Variants in NSDHL observed in about 807,000 individuals in gnomAD.
NSDHL encodes the protein NAD(P) dependent 3-beta-hydroxysteroid dehydrogenase NSDHL, also known as sterol-4-alpha-carboxylate 3-dehydrogenase, decarboxylating.
A neutral mutation model predicts 23.0 loss-of-function variants in NSDHL; 1 was observed. The ratio of observed to expected loss-of-function variants is 0.04; its 90% CI spans 0.02 to 0.21. The LOEUF (loss-of-function observed/expected upper bound fraction) is 0.21. Among genes scored for constraint, NSDHL ranks in the 10% least tolerant of loss-of-function variants. The probability of loss-of-function intolerance (pLI) is 1.00; values close to 1 mark genes in which losing one functional copy is unlikely to be tolerated. For missense variants in NSDHL, 237 were observed against 300.9 expected (o/e 0.79, Z 1.57); for synonymous variants, 128 against 121.1 (o/e 1.06, Z -0.37).
Position 152,862,619 on chromosome X carries a change from C to T in NSDHL, c.438C>T (p.Ala146=). The change falls in exon 5 of 8, where the codon GCC becomes GCT. Residue 146 remains alanine, a synonymous_variant. Coordinates refer to ENST00000370274, the MANE Select transcript of NSDHL (RefSeq NM_015922.3). ...GVQKLILTSS[A]SVIFEGVDIK... is the part of the protein sequence containing the mutation. ...AGAAACTCATTTTAACCAGCAGTGC[C>T]AGTGTCATCTTTGAGGGCGTCGATA... The T allele has an allele frequency of 8.3e-7, 1 of 1,207,088 alleles. No individual in the cohort carries two copies.
chrX:152,868,740 G>A, intron 7 of NSDHL, 44 bp from the exon 8 acceptor site: 1 of 1,100,415 alleles, frequency 9.1e-7, no homozygotes, highest in Non-Finnish European at 1.2e-6. Flanking sequence ...CTTTGGGCAG[G>A]TGGGGGTGGT....
chrX:152,832,609 A>C (rs1481531311), intron 1 of NSDHL, among the ~76,000 whole-genome samples: 1 of 111,854 alleles, frequency 8.9e-6, no homozygotes, highest in Non-Finnish European at 1.9e-5. Flanking sequence ...TGCCCCTGGT[A>C]ACCCTTCTAG....
intron 2 of NSDHL, among the ~76,000 whole-genome samples, chrX:152,848,158 C>G (rs1602930779): frequency 8.9e-6 from 1 of 111,764 alleles, no homozygotes; most frequent in African/African-American, 3.3e-5. Context: ...GCCACCGTGC[C>G]TGGCCCCTAT....
At position 152,868,016 on chromosome X, in the gene NSDHL, C is replaced by T. The variant is rs782780100; in HGVS notation, c.789+343C>T. Among the ~76,000 whole-genome samples the T allele has an allele frequency of 1.5e-3, 164 of 111,235 alleles. 1 individual carries two copies. Among genetic ancestry groups the T allele is most frequent in the Admixed American group, 3.7e-3 (39 of 10,474 alleles). ...GGGTGCTTGCTCCTCACCCTTTCTCCCACTCATTCCTCAGGTCTCTCCCTC... is the reference window on the plus strand; with the variant it reads ...GGGTGCTTGCTCCTCACCCTTTCTCTCACTCATTCCTCAGGTCTCTCCCTC... On this transcript the variant is annotated intron_variant, in intron 7 of 7. Transcript: ENST00000370274.
intron 1 of NSDHL, among the ~76,000 whole-genome samples, chrX:152,842,945 A>G (rs1016933637): frequency 5.4e-5 from 6 of 111,753 alleles, no homozygotes; most frequent in Non-Finnish European, 1.1e-4. Context: ...TAGGCAGGGG[A>G]CGGGGGTTGC....
At chrX:152,855,840 A>T (rs1556846907) in intron 3 of NSDHL, among the ~76,000 whole-genome samples, 1 of 112,479 alleles carries the variant, frequency 8.9e-6, no homozygotes, top group East Asian at 2.8e-4. Context: ...AAAGATAAGG[A>T]TTATTTTTAA....
chrX:152,861,741 G>A (rs1206839704), intron 4 of NSDHL, among the ~76,000 whole-genome samples: 1 of 112,423 alleles, frequency 8.9e-6, no homozygotes, highest in Non-Finnish European at 1.9e-5. Flanking sequence ...TTATTTGTAT[G>A]TACTTCGTTT....
At chrX:152,858,431 C>G (rs1933476041) in intron 3 of NSDHL, among the ~76,000 whole-genome samples, 1 of 111,968 alleles carries the variant, frequency 8.9e-6, no homozygotes, top group Admixed American at 9.5e-5. Flanking sequence ...TTCATAATTT[C>G]TATCTGAGTT....
chrX:152,837,312 G>A (rs1314646463), intron 1 of NSDHL, among the ~76,000 whole-genome samples: 30 of 111,562 alleles, frequency 2.7e-4, no homozygotes, highest in Middle Eastern at 9.2e-3. Flanking sequence ...GATTGCCCTG[G>A]CCAGAACTTC....
chrX:152,868,736 G>A, intron 7 of NSDHL, 48 bp from the exon 8 acceptor site: 1 of 1,071,933 alleles, frequency 9.3e-7, no homozygotes, highest in Non-Finnish European at 1.3e-6. Context: ...TCAACTTTGG[G>A]CAGGTGGGGG....
chrX:152,843,556 A>T (rs1276409579), intron 1 of NSDHL, among the ~76,000 whole-genome samples: 2 of 111,486 alleles, frequency 1.8e-5, no homozygotes, highest in Non-Finnish European at 3.8e-5. Context: ...CCATCTTCAC[A>T]TGGCCTCCTC....
chrX:152,838,199 T>C (rs1933131455), intron 1 of NSDHL, among the ~76,000 whole-genome samples: 2 of 112,089 alleles, frequency 1.8e-5, no homozygotes, highest in Admixed American at 1.9e-4. Flanking sequence ...TCTTCTTTAT[T>C]AGTCTTGCTA....
intron 7 of NSDHL, 69 bp from the exon 8 acceptor site, chrX:152,868,715 T>C: frequency 1.1e-6 from 1 of 939,986 alleles, no homozygotes; most frequent in African/African-American, 1.9e-5. Context: ...TGCACGGGCT[T>C]AATAGATGCT....
chrX:152,859,927 C>T (rs1933500477), intron 4 of NSDHL, among the ~76,000 whole-genome samples: 1 of 112,509 alleles, frequency 8.9e-6, no homozygotes, highest in Non-Finnish European at 1.9e-5. Context: ...TAGCTTGCTG[C>T]ATCGTTACCA....
At chrX:152,852,528 A>ATT (rs138268539) in intron 3 of NSDHL, among the ~76,000 whole-genome samples, 106 of 26,719 alleles carry the variant, frequency 4.0e-3, no homozygotes, top group African/African-American at 8.7e-3. Flanking sequence ...CAACACCTAC[A>ATT]CTGTTTAATG....
intron 2 of NSDHL, among the ~76,000 whole-genome samples, chrX:152,848,708 C>T (rs1341248856): frequency 8.9e-6 from 1 of 111,905 alleles, no homozygotes; most frequent in Non-Finnish European, 1.9e-5. Context: ...TGTCTTTGGG[C>T]TTAGCCAGAC....
intron 3 of NSDHL, among the ~76,000 whole-genome samples, chrX:152,851,119 G>C (rs1190517548): frequency 8.9e-6 from 1 of 112,273 alleles, no homozygotes; most frequent in East Asian, 2.8e-4. Flanking sequence ...TTATTAGATG[G>C]TGCCAAATGG....
At chrX:152,868,295 G>A (rs782161102) in intron 7 of NSDHL, among the ~76,000 whole-genome samples, 29 of 110,244 alleles carry the variant, frequency 2.6e-4, no homozygotes, top group Non-Finnish European at 4.4e-4. Context: ...ATGCCACCAC[G>A]CTCAGCTAAT....
At chrX:152,833,273 C>T (rs1017711786) in intron 1 of NSDHL, among the ~76,000 whole-genome samples, 19 of 78,144 alleles carry the variant, frequency 2.4e-4, no homozygotes, top group African/African-American at 1.1e-3. Context: ...TTTTTGACTT[C>T]GGGGCTCCGT....
Sources: gnomAD v4.1 joint callset for allele counts (sites outside exome capture counted in the v4.1 genomes callset) on GRCh38, gnomAD v4.1.1 for gene constraint, MANE v1.5 for transcripts, NCBI Gene and HGNC (gene_info 2026-07-23, HGNC 2026-07-21) for gene names.